GHR: variants seen among roughly 807,000 people sequenced by gnomAD.
The protein encoded by GHR is GH receptor.
A neutral mutation model predicts 67.1 loss-of-function variants in GHR; 35 were observed. That is an observed-to-expected ratio of 0.52 (90% confidence interval 0.40 to 0.69). The LOEUF (loss-of-function observed/expected upper bound fraction) is 0.69. Among genes scored for constraint, GHR ranks in the 30% least tolerant of loss-of-function variants. The probability of loss-of-function intolerance (pLI) is 0.00; values close to 1 mark genes in which losing one functional copy is unlikely to be tolerated. For missense variants in GHR, 792 were observed against 764.6 expected (o/e 1.04, Z -0.42); for synonymous variants, 272 against 269.1 (o/e 1.01, Z -0.10).
chr5:42,473,869 G>C (rs1489672666), intron 1 of GHR, among the ~76,000 whole-genome samples: 1 of 130,840 alleles, frequency 7.6e-6, no homozygotes, highest in Non-Finnish European at 1.6e-5. Flanking sequence ...GCAAGACTTT[G>C]TCTCAAAAAA....
At position 42,619,715 on chromosome 5, in the gene GHR, A is replaced by G. The variant is rs1322065577; in HGVS notation, c.71-9323A>G. On this transcript the variant is annotated intron_variant, in intron 2 of 9. Coordinates refer to ENST00000230882, the MANE Select transcript of GHR (RefSeq NM_000163.5). ...AAGAAATGTTGGATGGAAATTGAAG[A>G]GTGAGCTTGGAAACGAGACACAGAG... 6 of 152,158 alleles carry G rather than the reference A, an allele frequency of 3.9e-5. No homozygotes were observed. In the South Asian group the frequency reaches 1.2e-3, roughly 31 times the overall value. The allele number at this position is 152,158 out of a possible 1,614,324, so 9.4% of individuals were successfully genotyped here.
intron 1 of GHR, among the ~76,000 whole-genome samples, chr5:42,520,499 T>C (rs537824777): frequency 5.9e-4 from 90 of 152,272 alleles, no homozygotes; most frequent in African/African-American, 2.1e-3. Context: ...TCTCTGTGCT[T>C]TCAGCCTTGA....
chr5:42,695,793 A>G (rs1757645107), intron 5 of GHR, among the ~76,000 whole-genome samples: 1 of 152,230 alleles, frequency 6.6e-6, no homozygotes, highest in Non-Finnish European at 1.5e-5. Flanking sequence ...GACTTTGAGT[A>G]GCTGAAATTA....
rs1379469789 is a variant in GHR at position 42,588,761 on chromosome 5, G to GT, written c.70+22821dup. Among the ~76,000 whole-genome samples the GT allele has an allele frequency of 2.0e-5, 3 of 150,602 alleles. No individual in the cohort carries two copies. In the South Asian group the frequency reaches 6.3e-4, roughly 32 times the overall value. On this transcript the variant is annotated intron_variant, in intron 2 of 9. Coordinates refer to ENST00000230882, the MANE Select transcript of GHR (RefSeq NM_000163.5). ...TAAATCCATATGAATGTCTTTTTTT[G>GT]TTTTCTACCAAAACCTTTATAACAA...
chr5:42,614,559 A>ATTTTTTT lies in GHR; in HGVS notation c.71-14453_71-14447dup, dbSNP rs553365880. Among the ~76,000 whole-genome samples the ATTTTTTT allele has an allele frequency of 1.4e-3, 90 of 65,414 alleles. 5 individuals carry two copies. Among genetic ancestry groups the ATTTTTTT allele is most frequent in the African/African-American group, 5.3e-3 (84 of 15,846 alleles). The allele number at this position is 65,414 out of a possible 152,430, so 42.9% of individuals were successfully genotyped here. On this transcript the variant is annotated intron_variant, in intron 2 of 9. Coordinates refer to ENST00000230882, the MANE Select transcript of GHR (RefSeq NM_000163.5). ...GCAAGCTTTATAGGCCATAGAGGAC[A>ATTTTTTT]TTTTTTTTTTTTTTTTTTTTTTTTT...
At chr5:42,702,691 A>G (rs900482283) in intron 6 of GHR, among the ~76,000 whole-genome samples, 1 of 152,052 alleles carries the variant, frequency 6.6e-6, no homozygotes, top group African/African-American at 2.4e-5. Flanking sequence ...TTTTGTCCAC[A>G]TTCTCACCAA....
intron 1 of GHR, among the ~76,000 whole-genome samples, chr5:42,439,778 A>T (rs1376149205): frequency 6.6e-6 from 1 of 152,258 alleles, no homozygotes; most frequent in Non-Finnish European, 1.5e-5. Flanking sequence ...GAATTCATTC[A>T]TGAAGTGGAT....
At chr5:42,659,566 G>A (rs141342653) in intron 3 of GHR, among the ~76,000 whole-genome samples, 260 of 152,190 alleles carry the variant, frequency 1.7e-3, no homozygotes, top group Non-Finnish European at 2.7e-3. Flanking sequence ...ATCCTCACAC[G>A]GCCAAAAGGA....
intron 3 of GHR, among the ~76,000 whole-genome samples, chr5:42,669,192 G>GTGT (rs1424720266): frequency 1.3e-5 from 2 of 152,142 alleles, no homozygotes; most frequent in African/African-American, 4.8e-5. Context: ...ACATCAACAG[G>GTGT]TGTTCAATGT....
chr5:42,477,137 G>T (rs1404279690), intron 1 of GHR, among the ~76,000 whole-genome samples: 1 of 148,748 alleles, frequency 6.7e-6, no homozygotes, highest in Non-Finnish European at 1.5e-5. Context: ...GCGGTGTTTG[G>T]TTTTTTTTCC....
intron 3 of GHR, among the ~76,000 whole-genome samples, chr5:42,643,875 G>A (rs1754601732): frequency 6.6e-6 from 1 of 152,028 alleles, no homozygotes; most frequent in Non-Finnish European, 1.5e-5. Context: ...AAAACTTTTA[G>A]AGGTTACCAG....
intron 1 of GHR, among the ~76,000 whole-genome samples, chr5:42,523,866 C>G (rs562902534): frequency 6.6e-6 from 1 of 152,228 alleles, no homozygotes; most frequent in South Asian, 2.1e-4. Flanking sequence ...GTAAGTCTCA[C>G]TAGATCTGAT....
At chr5:42,685,911 A>T (rs538667438) in intron 3 of GHR, among the ~76,000 whole-genome samples, 1 of 152,050 alleles carries the variant, frequency 6.6e-6, no homozygotes, top group Non-Finnish European at 1.5e-5. Flanking sequence ...CTCTGCTGGT[A>T]GTTTCTTTTG....
intron 1 of GHR, among the ~76,000 whole-genome samples, chr5:42,444,345 G>A (rs542704879): frequency 6.6e-6 from 1 of 152,312 alleles, no homozygotes; most frequent in Non-Finnish European, 1.5e-5. Flanking sequence ...TGAAGCCAAA[G>A]CTTTGTGTAG....
At chr5:42,512,755 G>A (rs1053474156) in intron 1 of GHR, among the ~76,000 whole-genome samples, 1 of 151,288 alleles carries the variant, frequency 6.6e-6, no homozygotes, top group Admixed American at 6.6e-5. Context: ...AACTTTACAG[G>A]TTGTTCATTG....
chr5:42,696,130 G>A (rs772670000), intron 5 of GHR, among the ~76,000 whole-genome samples: 2 of 152,178 alleles, frequency 1.3e-5, no homozygotes, highest in African/African-American at 4.8e-5. Flanking sequence ...AAGAACACTG[G>A]GTTAAAACCC....
chr5:42,587,715 C>T (rs1751556701), intron 2 of GHR, among the ~76,000 whole-genome samples: 1 of 151,386 alleles, frequency 6.6e-6, no homozygotes, highest in African/African-American at 2.4e-5. Context: ...TGACTTATTC[C>T]TCCCACAAAC....
chr5:42,441,912 G>A (rs563273266), intron 1 of GHR, among the ~76,000 whole-genome samples: 1 of 152,250 alleles, frequency 6.6e-6, no homozygotes, highest in South Asian at 2.1e-4. Context: ...ACAGAGGGTG[G>A]ATAAATAATC....
intron 1 of GHR, among the ~76,000 whole-genome samples, chr5:42,481,520 T>C (rs1561066617): frequency 6.6e-6 from 1 of 152,230 alleles, no homozygotes. Context: ...CACTTTCAGG[T>C]ACACCAATCA....
Sources: gnomAD v4.1 joint callset for allele counts (sites outside exome capture counted in the v4.1 genomes callset) on GRCh38, gnomAD v4.1.1 for gene constraint, MANE v1.5 for transcripts, NCBI Gene and HGNC (gene_info 2026-07-23, HGNC 2026-07-21) for gene names.